Variants in METAP1 observed in about 807,000 individuals in gnomAD.
METAP1 encodes methionyl aminopeptidase 1.
A neutral mutation model predicts 53.8 loss-of-function variants in METAP1; 28 were observed. The observed-to-expected ratio is 0.52, with a 90% CI of 0.39 to 0.71. The LOEUF (loss-of-function observed/expected upper bound fraction) is 0.71, where lower values mean the gene tolerates loss of function less well. METAP1 is among the 30% of genes least tolerant of loss of function. METAP1 has a pLI of 0.00. For missense variants in METAP1, 389 were observed against 479.8 expected (o/e 0.81, Z 1.77); for synonymous variants, 181 against 165.7 (o/e 1.09, Z -0.71).
At position 99,021,334 on chromosome 4, in the gene METAP1, G is replaced by A. The variant is rs1023192319; in HGVS notation, c.115-7533G>A. Among the ~76,000 whole-genome samples the A allele has an allele frequency of 5.3e-5, 8 of 152,098 alleles. No individual in the cohort carries two copies. The South Asian group carries it at 6.2e-4, about 12-fold the overall frequency. ...CTCATGCACGAGGTCTCCTGGTCCC[G>A]CGGTTTTAAAAGTCTCCTTGTCCCC... On this transcript the variant is annotated intron_variant, in intron 1 of 10. Transcript: ENST00000296411.
intron 1 of METAP1, among the ~76,000 whole-genome samples, chr4:99,013,214 TG>T (rs1462297857): frequency 6.6e-6 from 1 of 152,224 alleles, no homozygotes; most frequent in Non-Finnish European, 1.5e-5. Flanking sequence ...TCTTTGCACA[TG>T]TAAGATTAAT....
intron 1 of METAP1, among the ~76,000 whole-genome samples, chr4:99,019,506 C>T (rs758451113): frequency 2.6e-5 from 4 of 152,144 alleles, no homozygotes; most frequent in Non-Finnish European, 5.9e-5. Context: ...TTTAGTTTCT[C>T]TTCATCTGCT....
chr4:99,022,621 T>C (rs2110310603), intron 1 of METAP1: 1 of 755,988 alleles, frequency 1.3e-6, no homozygotes, highest in East Asian at 2.5e-5. Flanking sequence ...CACTCTCAGG[T>C]GCTGCCTGTG....
At chr4:99,003,193 AATG>A (rs544769928) in intron 1 of METAP1, among the ~76,000 whole-genome samples, 88 of 152,348 alleles carry the variant, frequency 5.8e-4, no homozygotes, top group African/African-American at 2.0e-3. Context: ...TTAGGATATA[AATG>A]ATAAGTGAAA....
chr4:99,022,866 G>C (rs1462788563), intron 1 of METAP1: 16 of 1,542,292 alleles, frequency 1.0e-5, no homozygotes, highest in Non-Finnish European at 1.4e-5. Flanking sequence ...GGCTGCTGCT[G>C]CCTTCTTTTT....
intron 10 of METAP1, among the ~76,000 whole-genome samples, chr4:99,058,773 A>C (rs565141175): frequency 1.3e-5 from 2 of 152,354 alleles, no homozygotes; most frequent in South Asian, 4.1e-4. Flanking sequence ...CCTGCATGCC[A>C]GGAGGCTGGG....
chr4:99,053,336 A>G (rs1026525278), intron 9 of METAP1, among the ~76,000 whole-genome samples: 11 of 152,012 alleles, frequency 7.2e-5, no homozygotes, highest in African/African-American at 2.4e-4. Context: ...TGCAGCCTCC[A>G]CCTCCTGGGC....
At chr4:99,022,493 G>T (rs909939811) in intron 1 of METAP1, 5 of 620,270 alleles carry the variant, frequency 8.1e-6, no homozygotes, top group African/African-American at 5.5e-5. Context: ...GTAGGACGTT[G>T]GGCAAATGTC....
intron 8 of METAP1, among the ~76,000 whole-genome samples, chr4:99,048,301 A>G (rs1483509890): frequency 6.6e-6 from 1 of 152,182 alleles, no homozygotes; most frequent in Non-Finnish European, 1.5e-5. Context: ...TCTGTGCCTC[A>G]TCTGTAAGTT....
rs138166405 is a variant in METAP1, at chr4:99,020,400, A to G, written c.115-8467A>G. Among the ~76,000 whole-genome samples the G allele has an allele frequency of 6.0e-4, 91 of 152,254 alleles. No individual in the cohort carries two copies. The East Asian group carries it at 0.013, about 21-fold the overall frequency. On this transcript the variant is annotated intron_variant, in intron 1 of 10. Transcript: ENST00000296411. ...CTCTTCGGAAGCGCAGGGAAAGGGA[A>G]AATTTTGAATATCCCTTCTACATTG... is the stretch of plus-strand genomic sequence containing the variant.
At chr4:99,060,243 A>C (rs902887937) in intron 10 of METAP1, among the ~76,000 whole-genome samples, 5 of 152,034 alleles carry the variant, frequency 3.3e-5, no homozygotes, top group Non-Finnish European at 7.4e-5. Context: ...AACCCATTAA[A>C]CATTCCCTTC....
intron 1 of METAP1, among the ~76,000 whole-genome samples, chr4:99,005,587 A>AGAG (rs1723136866): frequency 6.6e-6 from 1 of 152,218 alleles, no homozygotes; most frequent in Non-Finnish European, 1.5e-5. Context: ...ATCCAAAGGA[A>AGAG]GAGAAGTCAT....
intron 10 of METAP1, 139 bp downstream of exon 10, chr4:99,057,957 A>G: frequency 1.4e-6 from 1 of 700,874 alleles, no homozygotes; most frequent in Non-Finnish European, 2.4e-6. Flanking sequence ...TTGATTCAGT[A>G]TCGTGAAGAA....
chr4:99,046,854 T>G (rs1726280812), intron 8 of METAP1, among the ~76,000 whole-genome samples: 1 of 150,222 alleles, frequency 6.7e-6, no homozygotes, highest in African/African-American at 2.4e-5. Flanking sequence ...AGCTTAAGTT[T>G]GAAATAATTT....
chr4:99,050,734 A>G (rs184500451), intron 9 of METAP1, among the ~76,000 whole-genome samples: 1 of 152,264 alleles, frequency 6.6e-6, no homozygotes, highest in African/African-American at 2.4e-5. Flanking sequence ...TGAGGGATCT[A>G]GGTTGCGCAC....
chr4:99,031,340 T>C (rs1349422839), intron 2 of METAP1: 2 of 539,398 alleles, frequency 3.7e-6, no homozygotes, highest in African/African-American at 4.1e-5. Flanking sequence ...ACATATTCAG[T>C]GTGTTTGTTT....
At chr4:99,048,702 G>A (rs1275090484) in intron 8 of METAP1, 31 bp from the exon 9 acceptor site, 2 of 1,607,504 alleles carry the variant, frequency 1.2e-6, no homozygotes, top group Non-Finnish European at 1.7e-6. Flanking sequence ...TTAGTTATTA[G>A]TTTATCATGA....
chr4:99,034,149 G>T, intron 2 of METAP1, 81 bp from the exon 3 acceptor site: 3 of 829,742 alleles, frequency 3.6e-6, no homozygotes, highest in South Asian at 3.0e-5. Context: ...AAAGTATGCT[G>T]CTGCTCATTA....
At chr4:99,028,188 A>G (rs1435593339) in intron 1 of METAP1, among the ~76,000 whole-genome samples, 6 of 152,130 alleles carry the variant, frequency 3.9e-5, no homozygotes, top group African/African-American at 1.2e-4. Flanking sequence ...TGAGTTCCTT[A>G]CTTGAATTCA....
Sources: allele counts gnomAD v4.1 joint callset (sites outside exome capture counted in the v4.1 genomes callset), GRCh38; gene constraint gnomAD v4.1.1; transcripts MANE v1.5; gene names NCBI Gene and HGNC (gene_info 2026-07-23, HGNC 2026-07-21).